Variants in FBXL2 observed in about 807,000 individuals in gnomAD.
FBXL2 encodes the protein F-box and leucine rich repeat protein 2.
A neutral mutation model predicts 69.2 loss-of-function variants in FBXL2; 38 were observed. The ratio of observed to expected loss-of-function variants is 0.55; its 90% CI spans 0.42 to 0.72. The LOEUF (loss-of-function observed/expected upper bound fraction) is 0.72. FBXL2 is among the 30% of genes least tolerant of loss of function. The pLI is 0.00. For missense variants in FBXL2, 354 were observed against 520.3 expected (o/e 0.68, Z 3.11); for synonymous variants, 192 against 201.3 (o/e 0.95, Z 0.39).
At chr3:33,286,070 G>T (rs931223182) in intron 1 of FBXL2, among the ~76,000 whole-genome samples, 2 of 152,172 alleles carry the variant, frequency 1.3e-5, no homozygotes, top group African/African-American at 2.4e-5. Flanking sequence ...GCTTTGTTCT[G>T]TTGCTGGCAA....
intron 12 of FBXL2, chr3:33,393,099 G>A (rs942671177): frequency 1.9e-6 from 1 of 517,878 alleles, no homozygotes; most frequent in East Asian, 3.4e-5. Flanking sequence ...GCTGGGGGGA[G>A]GCTAAGCCAG....
intron 2 of FBXL2, among the ~76,000 whole-genome samples, chr3:33,322,928 C>T (rs2038361482): frequency 6.6e-6 from 1 of 152,166 alleles, no homozygotes; most frequent in Non-Finnish European, 1.5e-5. Context: ...TTGTGCCTCA[C>T]AGTCTTGCTG....
chr3:33,331,674 T>C (rs1203161594), intron 2 of FBXL2, among the ~76,000 whole-genome samples: 1 of 152,186 alleles, frequency 6.6e-6, no homozygotes, highest in Admixed American at 6.5e-5. Context: ...TATAGGGACA[T>C]TTCACAAACT....
At chr3:33,390,606 A>C, downstream of FBXL2, 1 of 561,610 alleles carries the variant, frequency 1.8e-6, no homozygotes, top group Non-Finnish European at 3.2e-6. Flanking sequence ...CCCGCATTCC[A>C]ACACTGTCTG....
intron 9 of FBXL2, 149 bp from the exon 10 acceptor site, chr3:33,375,139 T>A: frequency 1.2e-6 from 1 of 841,118 alleles, no homozygotes; most frequent in South Asian, 1.7e-5. Flanking sequence ...CAAGTACCTG[T>A]CTACCCTCTA....
chr3:33,392,700 C>A (rs947430763), downstream of FBXL2: 10 of 1,291,798 alleles, frequency 7.7e-6, no homozygotes, highest in African/African-American at 1.3e-4. Context: ...ATATTCTTCT[C>A]AAACAAACAC....
At chr3:33,331,746 T>C (rs1047230255) in intron 2 of FBXL2, among the ~76,000 whole-genome samples, 9 of 152,188 alleles carry the variant, frequency 5.9e-5, no homozygotes, top group African/African-American at 2.2e-4. Context: ...ATAGTTCTTA[T>C]AAGTTACTTA....
At chr3:33,419,113 G>A in the FBXL2 span, among the ~76,000 whole-genome samples, 2 of 152,130 alleles carry the variant, frequency 1.3e-5, no homozygotes, top group African/African-American at 4.8e-5. Context: ...GAAGAGTTGA[G>A]GATTACTCCT....
chr3:33,422,415 G>A, the FBXL2 span, among the ~76,000 whole-genome samples: 5 of 151,890 alleles, frequency 3.3e-5, no homozygotes, highest in Admixed American at 6.6e-5. Flanking sequence ...GAAGGGAGGA[G>A]GGAGGAAAGA....
intron 2 of FBXL2, among the ~76,000 whole-genome samples, chr3:33,344,694 A>G (rs1344951890): frequency 2.0e-5 from 3 of 152,224 alleles, no homozygotes; most frequent in Non-Finnish European, 4.4e-5. Flanking sequence ...AAAACTAAAG[A>G]AAGTGGTAGG....
At chr3:33,397,871 C>T (rs1318378363) in intron 12 of FBXL2, 2 of 152,028 alleles carry the variant, frequency 1.3e-5, no homozygotes, top group East Asian at 3.9e-4. Context: ...CCTTCGCTTA[C>T]CATACAAGAA....
chr3:33,299,075 C>T (rs538195850), intron 2 of FBXL2, among the ~76,000 whole-genome samples: 2 of 114,260 alleles, frequency 1.8e-5, no homozygotes, highest in Admixed American at 2.0e-4. Context: ...GAGATTTACT[C>T]TTGTTGCCCA....
At chr3:33,295,852 A>G (rs1375915544) in intron 1 of FBXL2, among the ~76,000 whole-genome samples, 1 of 152,178 alleles carries the variant, frequency 6.6e-6, no homozygotes, top group Non-Finnish European at 1.5e-5. Flanking sequence ...TCATGTATGT[A>G]TTGGCCATTT....
intron 2 of FBXL2, among the ~76,000 whole-genome samples, chr3:33,306,286 A>G (rs774034972): frequency 6.6e-6 from 1 of 152,032 alleles, no homozygotes; most frequent in Admixed American, 6.6e-5. Context: ...TACAATATAT[A>G]GTCAGAGAAC....
At chr3:33,381,659 AAATG>A (rs889164713) in intron 13 of FBXL2, among the ~76,000 whole-genome samples, 3 of 152,074 alleles carry the variant, frequency 2.0e-5, no homozygotes, top group Non-Finnish European at 4.4e-5. Context: ...AAAAAAAAGA[AAATG>A]AAATATATAC....
At chr3:33,323,144 T>C (rs530209113) in intron 2 of FBXL2, among the ~76,000 whole-genome samples, 1 of 152,324 alleles carries the variant, frequency 6.6e-6, no homozygotes, top group Non-Finnish European at 1.5e-5. Context: ...GAATACATTC[T>C]ACCTAGTTTT....
chr3:33,383,910 C>G (rs2043225635), intron 13 of FBXL2, 79 bp from the exon 14 acceptor site: 9 of 1,421,212 alleles, frequency 6.3e-6, no homozygotes, highest in Non-Finnish European at 8.9e-6. Flanking sequence ...GGCAAAAAGG[C>G]TAGCTTCCAG....
intron 1 of FBXL2, among the ~76,000 whole-genome samples, chr3:33,282,672 G>T (rs566585495): frequency 9.2e-5 from 14 of 152,102 alleles, no homozygotes; most frequent in South Asian, 2.1e-4. Flanking sequence ...ATTCTTCCTA[G>T]CCATGAGCAT....
At position 33,385,949 on chromosome 3, in the gene FBXL2, C is replaced by A; in HGVS notation, c.*341C>A. ...ACTCAGCATTCCTCAAAAAGACCAT[C>A]AGTGTTAGCACAAACTGAGCAGAAA... On this transcript the variant is annotated 3_prime_UTR_variant, in exon 15 of 15. Coordinates refer to ENST00000484457, the MANE Select transcript of FBXL2 (RefSeq NM_012157.5). 1 of 288,280 alleles carries A rather than the reference C, an allele frequency of 3.5e-6. No homozygotes were observed. Among genetic ancestry groups the A allele is most frequent in the Non-Finnish European group, 6.6e-6 (1 of 151,592 alleles). The allele number at this position is 288,280 out of a possible 1,614,324, so 17.9% of individuals were successfully genotyped here.
Sources: allele counts gnomAD v4.1 joint callset (sites outside exome capture counted in the v4.1 genomes callset), GRCh38; gene constraint gnomAD v4.1.1; transcripts MANE v1.5; gene names NCBI Gene and HGNC (gene_info 2026-07-23, HGNC 2026-07-21).